SLC28A1: variants seen among roughly 807,000 people sequenced by gnomAD.
The protein encoded by SLC28A1 is sodium/nucleoside cotransporter 1.
Under a neutral mutation model 74.8 loss-of-function variants are expected in SLC28A1, and 64 were observed. The observed-to-expected ratio is 0.86, with a 90% CI of 0.70 to 1.05. The LOEUF (loss-of-function observed/expected upper bound fraction) is 1.05. SLC28A1 is among the 50% of genes least tolerant of loss of function. The pLI, the probability that SLC28A1 is intolerant of heterozygous loss-of-function variation, is 0.00. For missense variants in SLC28A1, 828 were observed against 822.8 expected (o/e 1.01, Z -0.08); for synonymous variants, 359 against 335.0 (o/e 1.07, Z -0.78).
chr15:84,930,492 A>G (rs1158396023), intron 12 of SLC28A1, among the ~76,000 whole-genome samples: 1 of 152,202 alleles, frequency 6.6e-6, no homozygotes, highest in African/African-American at 2.4e-5. Context: ...GGGGTTTAGA[A>G]AAAGAAGAAG....
At chr15:84,898,135 T>G (rs1966203631) in intron 6 of SLC28A1, among the ~76,000 whole-genome samples, 1 of 152,110 alleles carries the variant, frequency 6.6e-6, no homozygotes, top group African/African-American at 2.4e-5. Flanking sequence ...TTTCCTTTTT[T>G]TTTTTTTCAT....
At chr15:84,922,491 C>A (rs936981269) in intron 11 of SLC28A1, among the ~76,000 whole-genome samples, 2 of 152,182 alleles carry the variant, frequency 1.3e-5, no homozygotes, top group African/African-American at 2.4e-5. Flanking sequence ...AGCATTCCCA[C>A]AGCGCTGCCT....
the SLC28A1 span, among the ~76,000 whole-genome samples, chr15:84,960,091 C>T: frequency 4.6e-5 from 7 of 152,024 alleles, no homozygotes; most frequent in African/African-American, 1.5e-4. Context: ...CTGGAGAGGG[C>T]ACACATAGGG....
In SLC28A1 at chr15:84,920,343, G is replaced by A. The variant is rs938560994; in HGVS notation, c.877-646G>A. 2.6e-5 allele frequency among the ~76,000 whole-genome samples: 4 copies of A among 152,272 alleles called. No homozygotes were observed. In the East Asian group the frequency reaches 7.7e-4, roughly 29 times the overall value. On this transcript the variant is annotated intron_variant, in intron 10 of 18. Transcript: ENST00000394573. The stretch of plus-strand genomic sequence containing the variant: ...TGCCTGTAGTCCCAACTACTCAGGA[G>A]GCTGAGGCAGGAGAGTTGCTTGAAC...
chr15:84,956,684 T>A, the SLC28A1 span, among the ~76,000 whole-genome samples: 15 of 130,766 alleles, frequency 1.1e-4, no homozygotes, highest in Admixed American at 1.1e-3. Context: ...TTTTTTTTTT[T>A]AATAGAGATA....
chr15:84,887,352 A>G, intron 2 of SLC28A1: 1 of 985,248 alleles, frequency 1.0e-6, no homozygotes, highest in Non-Finnish European at 1.2e-6. Flanking sequence ...TCTGCCTGGA[A>G]CTCCCAGAGT....
chr15:84,924,866 T>G (rs1473842412), intron 12 of SLC28A1, among the ~76,000 whole-genome samples: 1 of 152,000 alleles, frequency 6.6e-6, no homozygotes, highest in African/African-American at 2.4e-5. Flanking sequence ...TAACCCCACT[T>G]CCCATGGGTA....
chr15:84,910,658 G>A (rs945730033), intron 9 of SLC28A1, among the ~76,000 whole-genome samples: 2 of 152,178 alleles, frequency 1.3e-5, no homozygotes, highest in African/African-American at 4.8e-5. Flanking sequence ...AACCCAGGAG[G>A]CAGAGGTTGC....
At chr15:84,917,051 AG>A (rs1596301025) in intron 9 of SLC28A1, among the ~76,000 whole-genome samples, 5 of 147,370 alleles carry the variant, frequency 3.4e-5, no homozygotes, top group Admixed American at 6.9e-5. Flanking sequence ...TAAATAAAAA[AG>A]GTAGGAACAG....
At chr15:84,939,160 A>C (rs533142975) in intron 15 of SLC28A1, among the ~76,000 whole-genome samples, 1 of 152,272 alleles carries the variant, frequency 6.6e-6, no homozygotes, top group African/African-American at 2.4e-5. Flanking sequence ...GCTTTACAAA[A>C]AATTTAAAAA....
At chr15:84,911,720 A>G (rs1447902367) in intron 9 of SLC28A1, among the ~76,000 whole-genome samples, 3 of 151,944 alleles carry the variant, frequency 2.0e-5, no homozygotes, top group Non-Finnish European at 4.4e-5. Context: ...TTAGCCAGGC[A>G]TGGTGGCGGG....
intron 12 of SLC28A1, among the ~76,000 whole-genome samples, chr15:84,930,719 C>T (rs1971170229): frequency 6.7e-6 from 1 of 150,114 alleles, no homozygotes; most frequent in African/African-American, 2.5e-5. Context: ...CATTCTCGTG[C>T]CTCAGCCTCC....
Position 84,943,341 on chromosome 15 carries a change from A to T in SLC28A1, c.1582-104A>T, listed in dbSNP as rs968641834. On this transcript the variant is annotated intron_variant, in intron 15 of 18. Transcript: ENST00000394573. ...CACAGAGGACTCAAAGGTCAATTACATGTAAGAAGTGGGTAAAATTAAGGC... is the reference window on the plus strand; with the variant it reads ...CACAGAGGACTCAAAGGTCAATTACTTGTAAGAAGTGGGTAAAATTAAGGC... 6.3e-6 allele frequency: 5 copies of T among 798,304 alleles called. No homozygotes were observed. In the South Asian group the frequency reaches 7.0e-5, roughly 11 times the overall value. 49.5% of individuals were successfully genotyped at this position (798,304 alleles called of 1,614,324 possible). A position where few individuals can be genotyped will look rare whatever the true frequency, so the allele number is the denominator to read the frequency against.
At chr15:84,905,481 G>T (rs763036174) in intron 7 of SLC28A1, 58 bp from the exon 8 acceptor site, 1 of 1,225,750 alleles carries the variant, frequency 8.2e-7, no homozygotes, top group East Asian at 2.3e-5. Flanking sequence ...ACCCCCACCC[G>T]GCTCCCTGCC....
At chr15:84,947,007 G>T (rs547775370), downstream of SLC28A1, among the ~76,000 whole-genome samples, 2 of 152,314 alleles carry the variant, frequency 1.3e-5, no homozygotes, top group East Asian at 1.9e-4. Flanking sequence ...GCAGTGGGAG[G>T]GTGGAGCCCT....
At chr15:84,894,140 G>A (rs34623839) in intron 5 of SLC28A1, among the ~76,000 whole-genome samples, 2 of 152,168 alleles carry the variant, frequency 1.3e-5, no homozygotes, top group Non-Finnish European at 2.9e-5. Context: ...GGGAGGCTGA[G>A]GTGGGCGGAT....
intron 4 of SLC28A1, among the ~76,000 whole-genome samples, chr15:84,889,733 C>CTTCT (rs1376000359): frequency 1.3e-4 from 11 of 85,454 alleles, no homozygotes; most frequent in East Asian, 4.2e-4. Context: ...TCCTTCCTTC[C>CTTCT]TTCCTTCCTT....
At chr15:84,888,957 G>A (rs1964946372) in intron 4 of SLC28A1, 97 bp downstream of exon 4, 3 of 837,888 alleles carry the variant, frequency 3.6e-6, no homozygotes, top group Non-Finnish European at 4.0e-6. Flanking sequence ...GAGTTGGGGG[G>A]ACGTGAACCT....
chr15:84,889,423 G>A (rs369366500), intron 4 of SLC28A1, among the ~76,000 whole-genome samples: 3 of 152,238 alleles, frequency 2.0e-5, no homozygotes, highest in Admixed American at 6.5e-5. Flanking sequence ...GAGGGATTCC[G>A]TCTCTCTGCC....
Sources: allele counts gnomAD v4.1 joint callset (sites outside exome capture counted in the v4.1 genomes callset), GRCh38; gene constraint gnomAD v4.1.1; transcripts MANE v1.5; gene names NCBI Gene and HGNC (gene_info 2026-07-23, HGNC 2026-07-21).